The following SEZ6 variants were observed in gnomAD, a reference collection of about 807,000 sequenced individuals.
The protein encoded by SEZ6 is seizure related 6 homolog.
In SEZ6, 53 loss-of-function variants were observed where a neutral mutation model predicts 101.0. That is an observed-to-expected ratio of 0.52 (90% CI 0.42 to 0.66). SEZ6 has a LOEUF of 0.66. Among genes scored for constraint, SEZ6 ranks in the 30% least tolerant of loss-of-function variants. The probability of loss-of-function intolerance (pLI) is 0.00; values close to 1 mark genes in which losing one functional copy is unlikely to be tolerated. For synonymous variants in SEZ6, 488 were observed against 512.2 expected (o/e 0.95, Z 0.64); for missense variants, 1,102 against 1,289.4 (o/e 0.85, Z 2.23).
chr17:28,956,112 A>G, intron 16 of SEZ6, 47 bp downstream of exon 16: 1 of 1,600,588 alleles, frequency 6.2e-7, no homozygotes, highest in Non-Finnish European at 8.5e-7. Flanking sequence ...CAAAGAAGCA[A>G]AGAACTGGGT....
intron 4 of SEZ6, among the ~76,000 whole-genome samples, chr17:28,969,042 T>A (rs144452834): frequency 2.8e-3 from 432 of 152,306 alleles, no homozygotes; most frequent in African/African-American, 0.01. Flanking sequence ...TAACCATGAC[T>A]TTGTGGGGTA....
rs563928889 is a variant in SEZ6, at chr17:28,956,147, A to G, written c.2952+12T>C. On this transcript the variant is annotated intron_variant, in intron 16 of 16. Coordinates refer to ENST00000317338, the MANE Select transcript of SEZ6 (RefSeq NM_178860.5). ...TCTTGGATAGGGTGGCAAGGCTGGCATGGTTACTTACTCCAGTCTCGTAAG... is the reference window on the plus strand; with the variant it reads ...TCTTGGATAGGGTGGCAAGGCTGGCGTGGTTACTTACTCCAGTCTCGTAAG... The G allele has an allele frequency of 1.3e-5, 20 of 1,568,714 alleles. No homozygotes were observed. In the South Asian group the frequency reaches 1.7e-4, roughly 13 times the overall value.
intron 1 of SEZ6, among the ~76,000 whole-genome samples, chr17:29,002,106 TG>T (rs748483985): frequency 2.5e-4 from 34 of 137,814 alleles, no homozygotes; most frequent in Admixed American, 8.8e-4. Flanking sequence ...TTTTTTTTGG[TG>T]GGGGTAGGGG....
rs191689545 is a variant in SEZ6 at position 28,995,239 on chromosome 17, A to G, written c.55+10576T>C. ...TCATCTCCCTCTGCTGAGCATCTGC[A>G]GGGCTAGGCTGTGTGTATGTGTTTG... On this transcript the variant is annotated intron_variant, in intron 1 of 16. Coordinates refer to ENST00000317338, the MANE Select transcript of SEZ6 (RefSeq NM_178860.5). Among the ~76,000 whole-genome samples the G allele has an allele frequency of 3.3e-5, 5 of 152,032 alleles. No individual in the cohort carries two copies. The East Asian group carries it at 9.7e-4, about 29-fold the overall frequency.
rs1309637768 is a variant in SEZ6, at chr17:29,005,903, C to A, written c.-34G>T. ...TTGCGGCCGCGCCCTGGGCTGGGAC[C>A]GCGGCGGGAGGGCGGGGGGCTTGGT... On this transcript the variant is annotated 5_prime_UTR_variant, in exon 1 of 17. Coordinates refer to ENST00000317338, the MANE Select transcript of SEZ6 (RefSeq NM_178860.5). The surrounding 1 kb of genome is among the most constrained non-coding windows in gnomAD (Gnocchi z 4.8). 5.0e-6 allele frequency: 7 copies of A among 1,406,984 alleles called. No individual in the cohort carries two copies. The South Asian group carries it at 5.6e-5, about 11-fold the overall frequency. 87.2% of individuals were successfully genotyped at this position (1,406,984 alleles called of 1,614,324 possible).
intron 1 of SEZ6, among the ~76,000 whole-genome samples, chr17:28,989,897 C>T (rs1391990590): frequency 6.6e-6 from 1 of 152,108 alleles, no homozygotes; most frequent in East Asian, 1.9e-4. Flanking sequence ...CATGGTGAAA[C>T]CCCATTTCTA....
In SEZ6 at chr17:28,956,250, T is replaced by C. The variant is rs1327649329; in HGVS notation, c.2861A>G (p.Lys954Arg). Residue 954 changes from lysine (K) to arginine (R), a missense_variant, in exon 16 of 17, where the codon AAA (lysine) becomes AGA (arginine). Around this residue, in one of 3 missense-constraint regions of SEZ6, gnomAD observed 140 missense variants for 135.7 expected, o/e 1.03. Transcript: ENST00000317338. ...GGGGCGGGGCAGCTGCAGGGAGCTT[T>C]TTCCCTGGAGCCTGTGGGGCAGAGA... is the stretch of plus-strand genomic sequence containing the variant. ...VYFYFSRLQGKSSLQLPRPRP... is the reference protein window; with the variant it reads ...VYFYFSRLQGRSSLQLPRPRP... The C allele has an allele frequency of 1.1e-5, 18 of 1,599,366 alleles. No homozygotes were observed. Among genetic ancestry groups the C allele is most frequent in the Non-Finnish European group, 1.4e-5 (16 of 1,173,460 alleles).
chr17:28,957,703 T>A, intron 11 of SEZ6, 164 bp from the exon 12 acceptor site: 1 of 891,252 alleles, frequency 1.1e-6, no homozygotes. Context: ...ATTTGTCCCC[T>A]TCCCATCTAT....
At chr17:29,001,801 A>G (rs1297665410) in intron 1 of SEZ6, among the ~76,000 whole-genome samples, 1 of 152,192 alleles carries the variant, frequency 6.6e-6, no homozygotes, top group African/African-American at 2.4e-5. Context: ...CTGGCAGCAT[A>G]GTCTCCGCCA....
intron 3 of SEZ6, among the ~76,000 whole-genome samples, chr17:28,976,499 TG>T (rs902089730): frequency 2.0e-5 from 3 of 152,064 alleles, no homozygotes; most frequent in African/African-American, 7.2e-5. Context: ...GTGATCCCAG[TG>T]AATTCATAGA....
chr17:28,956,810 C>T, intron 13 of SEZ6, 53 bp from the exon 14 acceptor site: 1 of 1,543,018 alleles, frequency 6.5e-7, no homozygotes, highest in Non-Finnish European at 8.8e-7. Context: ...TGGGCCAAAC[C>T]ACTAAGGCAG....
chr17:28,960,875 GCAGC>G lies in SEZ6; in HGVS notation c.1335_1338del (p.Trp445CysfsTer195), dbSNP rs1407320515. On this transcript the variant is annotated frameshift_variant, in exon 6 of 17. Transcript: ENST00000317338. LOFTEE classifies it high-confidence loss of function. Reference sequence around the variant, plus strand: ...AGCCGCTGGCCCTCAGGAGCCTCAAGCAGCCAGTGACAGGTGAGGTTGTTGCTGT... The same window carrying G: ...AGCCGCTGGCCCTCAGGAGCCTCAAGCAGTGACAGGTGAGGTTGTTGCTGT... 1 of 1,613,872 alleles carries G rather than the reference GCAGC, an allele frequency of 6.2e-7. No individual in the cohort carries two copies. The highest frequency in any genetic ancestry group is 1.3e-5 in the African/African-American group (1 of 74,920).
chr17:28,978,359 C>T (rs1054002840), intron 3 of SEZ6, among the ~76,000 whole-genome samples: 13 of 152,220 alleles, frequency 8.5e-5, no homozygotes, highest in African/African-American at 3.1e-4. Flanking sequence ...GGGCTCTGCA[C>T]TACAAGGCAC....
rs1204914764 is a variant in SEZ6, at chr17:29,003,777, G to A, written c.55+2038C>T. On this transcript the variant is annotated intron_variant, in intron 1 of 16. Coordinates refer to ENST00000317338, the MANE Select transcript of SEZ6 (RefSeq NM_178860.5). ...CTTGGCACTTCGGGGCTGCCTCTTC[G>A]TCTCCCTTGGGGAGTGAAAATAGAG... is the stretch of plus-strand genomic sequence containing the variant. Among the ~76,000 whole-genome samples, 5 of 152,152 alleles carry A rather than the reference G, an allele frequency of 3.3e-5. No individual in the cohort carries two copies. The East Asian group carries it at 5.8e-4, about 18-fold the overall frequency.
At chr17:28,974,720 C>T (rs1477914289) in intron 3 of SEZ6, among the ~76,000 whole-genome samples, 1 of 152,186 alleles carries the variant, frequency 6.6e-6, no homozygotes, top group Non-Finnish European at 1.5e-5. Flanking sequence ...CCCAGGCCCT[C>T]CCCAGAACTG....
intron 2 of SEZ6, 123 bp downstream of exon 2, chr17:28,981,248 T>G (rs2041296433): frequency 7.0e-7 from 1 of 1,436,480 alleles, no homozygotes; most frequent in East Asian, 2.5e-5. Flanking sequence ...ACATGCCTCC[T>G]GCAGGCTGGC....
rs2041128063 is a variant in SEZ6 at position 28,969,970 on chromosome 17, A to T, written c.859-18T>A. The T allele has an allele frequency of 6.6e-7, 1 of 1,517,108 alleles. No individual in the cohort carries two copies. Among genetic ancestry groups the T allele is most frequent in the Non-Finnish European group, 8.7e-7 (1 of 1,146,294 alleles). The allele number at this position is 1,517,108 out of a possible 1,614,324, so 94.0% of individuals were successfully genotyped here. On this transcript the variant is annotated intron_variant, in intron 3 of 16. Transcript: ENST00000317338. The stretch of plus-strand genomic sequence containing the variant: ...TTCTGGACCTGTCAGTAGAGTAGAG[A>T]GAGAAAAGCAAAGTAGTCAGACTTC...
chr17:28,963,840 A>C, intron 5 of SEZ6, 122 bp downstream of exon 5: 1 of 1,174,248 alleles, frequency 8.5e-7, no homozygotes, highest in Non-Finnish European at 1.2e-6. Flanking sequence ...ACTGAGGTGC[A>C]TGGCCATTTT....
At chr17:28,964,578 C>T (rs949154845) in intron 4 of SEZ6, among the ~76,000 whole-genome samples, 6 of 152,146 alleles carry the variant, frequency 3.9e-5, no homozygotes, top group Non-Finnish European at 8.8e-5. Flanking sequence ...TTGAATGACT[C>T]GTAGACATGA....
Sources: allele counts gnomAD v4.1 joint callset (sites outside exome capture counted in the v4.1 genomes callset), GRCh38; gene constraint gnomAD v4.1.1; regional missense constraint gnomAD v4.1.1; non-coding constraint Gnocchi (gnomAD v3.1); transcripts MANE v1.5; gene names NCBI Gene and HGNC (gene_info 2026-07-23, HGNC 2026-07-21).